PTPRC: variants seen among roughly 807,000 people sequenced by gnomAD.
The protein encoded by PTPRC is protein tyrosine phosphatase receptor type C.
A neutral mutation model predicts 155.9 loss-of-function variants in PTPRC; 44 were observed. That is an observed-to-expected ratio of 0.28 (90% confidence interval 0.22 to 0.36). The LOEUF (loss-of-function observed/expected upper bound fraction) is 0.36, where lower values mean the gene tolerates loss of function less well. PTPRC is among the 10% of genes least tolerant of loss of function. The pLI is 1.00. For missense variants in PTPRC, 1,401 were observed against 1,564.6 expected (o/e 0.90, Z 1.76); for synonymous variants, 525 against 533.1 (o/e 0.98, Z 0.21).
At chr1:198,638,735 T>C (rs1662389984), upstream of PTPRC, 1 of 154,438 alleles carries the variant, frequency 6.5e-6, no homozygotes, top group Non-Finnish European at 1.4e-5. Flanking sequence ...TAAGTCATCT[T>C]GCCAACACCC....
intron 3 of PTPRC, chr1:198,694,764 C>T (rs1666112343): frequency 3.2e-6 from 3 of 945,554 alleles, no homozygotes; most frequent in Admixed American, 6.2e-5. Flanking sequence ...CTTTCTCCCA[C>T]CCCCTTTTCT....
chr1:198,748,014 T>A, intron 26 of PTPRC, 95 bp from the exon 27 acceptor site: 1 of 1,498,108 alleles, frequency 6.7e-7, no homozygotes, highest in Non-Finnish European at 8.9e-7. Flanking sequence ...TTCACAAAAA[T>A]TAATGAAATG....
chr1:198,751,320 C>A (rs1655372449), intron 29 of PTPRC, among the ~76,000 whole-genome samples: 1 of 151,802 alleles, frequency 6.6e-6, no homozygotes, highest in South Asian at 2.1e-4. Flanking sequence ...TTCTTAATGT[C>A]TTCAGTTATT....
Position 198,716,733 on chromosome 1 carries a change from A to G in PTPRC, c.1343A>G (p.Asn448Ser). Reference sequence around the variant, plus strand: ...AACCTGATCAAATATGATTTGCAAAATTTAAAACCTTATACGAAATATGTT... The same window carrying G: ...AACCTGATCAAATATGATTTGCAAAGTTTAAAACCTTATACGAAATATGTT... ...DKNLIKYDLQ[N>S]LKPYTKYVLS... Residue 448 changes from asparagine to serine, a missense_variant, in exon 13 of 33, where the codon AAT (asparagine) becomes AGT (serine). Transcript: ENST00000442510. 6.2e-7 allele frequency: 1 copy of G among 1,612,662 alleles called. No homozygotes were observed. The highest frequency in any genetic ancestry group is 1.1e-5 in the South Asian group (1 of 91,006).
chr1:198,716,918 A>G (rs1653618775), intron 13 of PTPRC, 78 bp downstream of exon 13: 2 of 1,361,924 alleles, frequency 1.5e-6, no homozygotes, highest in East Asian at 2.4e-5. Context: ...CAATATTTCT[A>G]TCTTTATTCT....
intron 2 of PTPRC, among the ~76,000 whole-genome samples, chr1:198,642,966 T>TTCTTTCTG (rs1662714916): frequency 2.0e-5 from 3 of 150,580 alleles, no homozygotes; most frequent in Non-Finnish European, 3.0e-5. Context: ...CTTTCTTTCT[T>TTCTTTCTG]TCTTTTTTCT....
At chr1:198,673,703 A>G (rs1006271870) in intron 2 of PTPRC, among the ~76,000 whole-genome samples, 2 of 152,214 alleles carry the variant, frequency 1.3e-5, no homozygotes, top group Non-Finnish European at 2.9e-5. Flanking sequence ...ATACTATGGA[A>G]AACAATGTTT....
chr1:198,716,065 T>C (rs1345274431), intron 12 of PTPRC, among the ~76,000 whole-genome samples: 1 of 152,146 alleles, frequency 6.6e-6, no homozygotes, highest in East Asian at 1.9e-4. Context: ...CATTCCTTCT[T>C]CCGTTTGTAA....
At chr1:198,690,839 G>A (rs1299225720) in intron 2 of PTPRC, among the ~76,000 whole-genome samples, 2 of 152,046 alleles carry the variant, frequency 1.3e-5, no homozygotes, top group African/African-American at 4.8e-5. Context: ...TAAGATGAGG[G>A]ATGAAAACAT....
chr1:198,733,249 A>G (rs1003850909), intron 20 of PTPRC, among the ~76,000 whole-genome samples: 1 of 151,728 alleles, frequency 6.6e-6, no homozygotes, highest in African/African-American at 2.4e-5. Context: ...CAGTGTCCTC[A>G]CCTACCAGAA....
intron 2 of PTPRC, among the ~76,000 whole-genome samples, chr1:198,644,596 A>G (rs1405824799): frequency 1.3e-5 from 2 of 151,908 alleles, no homozygotes; most frequent in Non-Finnish European, 2.9e-5. Flanking sequence ...GCAGAGAATT[A>G]TATGTTCAGG....
At chr1:198,719,876 G>A (rs1160778915) in intron 14 of PTPRC, among the ~76,000 whole-genome samples, 2 of 152,110 alleles carry the variant, frequency 1.3e-5, no homozygotes, top group Non-Finnish European at 2.9e-5. Flanking sequence ...CTCCCAAATT[G>A]TTGGGATTAC....
rs768391663 is a variant in PTPRC at position 198,708,258 on chromosome 1, T to G, written c.1030T>G (p.Cys344Gly). The change falls in exon 10 of 33, where the codon TGT becomes GGT. Residue 344 changes from cysteine to glycine, a missense_variant. Cys to Gly is a radical substitution (Grantham distance 159). Transcript: ENST00000442510. ...ACAGAATATTACCTACAGATTTCAG[T>G]GTGGTAAGAATATAACATTGACCAG... ...DTQNITYRFQ[C>G]GNMIFDNKEI... is the part of the protein sequence containing the mutation. 1 of 1,605,698 alleles carries G rather than the reference T, an allele frequency of 6.2e-7. No homozygotes were observed. Among genetic ancestry groups the G allele is most frequent in the East Asian group, 2.2e-5 (1 of 44,600 alleles).
At chr1:198,661,947 T>C (rs1663992795) in intron 2 of PTPRC, among the ~76,000 whole-genome samples, 1 of 152,180 alleles carries the variant, frequency 6.6e-6, no homozygotes, top group African/African-American at 2.4e-5. Flanking sequence ...TCAATTTCAT[T>C]TATAATGTGT....
At position 198,696,752 on chromosome 1, in the gene PTPRC, T is replaced by C. The variant is rs200018130; in HGVS notation, c.141T>C (p.Ser47=). The C allele has an allele frequency of 6.8e-6, 11 of 1,614,020 alleles. No homozygotes were observed. In the South Asian group the frequency reaches 1.2e-4, roughly 18 times the overall value. The change falls in exon 4 of 33, where the codon AGT becomes AGC. Residue 47 remains serine, a synonymous_variant. Coordinates refer to ENST00000442510, the MANE Select transcript of PTPRC (RefSeq NM_002838.5). The part of the protein sequence containing the change: ...TAKMPSVPLS[S]DPLPTHTTAF... Reference sequence around the variant, plus strand: ...AGATGCCCAGTGTTCCACTTTCAAGTGACCCCTTACCTACTCACACCACTG... The same window carrying C: ...AGATGCCCAGTGTTCCACTTTCAAGCGACCCCTTACCTACTCACACCACTG...
At position 198,709,673 on chromosome 1, in the gene PTPRC, T is replaced by C; in HGVS notation, c.1034-14T>C. The C allele has an allele frequency of 1.3e-6, 2 of 1,531,814 alleles. No individual in the cohort carries two copies. The highest frequency in any genetic ancestry group is 1.8e-6 in the Non-Finnish European group (2 of 1,119,628). The allele number at this position is 1,531,814 out of a possible 1,614,324, so 94.9% of individuals were successfully genotyped here. The stretch of plus-strand genomic sequence containing the variant: ...TGCATCGATATATTCATTCGAAATA[T>C]TTCTTTATTTCAGGTAATATGATAT... On this transcript the variant is annotated splice_polypyrimidine_tract_variant and intron_variant, in intron 10 of 32. Coordinates refer to ENST00000442510, the MANE Select transcript of PTPRC (RefSeq NM_002838.5).
chr1:198,703,639 G>C (rs377377424), intron 7 of PTPRC: 1 of 563,568 alleles, frequency 1.8e-6, no homozygotes, highest in South Asian at 2.0e-5. Flanking sequence ...TTTCTCACAG[G>C]GGTTTAGGTC....
Position 198,756,456 on chromosome 1 carries a change from G to GC in PTPRC, c.*275_*276insC. The GC allele has an allele frequency of 3.2e-6, 1 of 308,796 alleles. No homozygotes were observed. The highest frequency in any genetic ancestry group is 6.0e-6 in the Non-Finnish European group (1 of 165,646). 19.1% of individuals were successfully genotyped at this position (308,796 alleles called of 1,614,324 possible). A position where few individuals can be genotyped will look rare whatever the true frequency, so the allele number is the denominator to read the frequency against. On this transcript the variant is annotated 3_prime_UTR_variant, in exon 33 of 33. Transcript: ENST00000442510. The stretch of plus-strand genomic sequence containing the variant: ...TGTGTGTATATGTATGTGTGTATGG[G>GC]TGTGTGTTTGTGTGAGAGACAGAGA...
intron 14 of PTPRC, among the ~76,000 whole-genome samples, chr1:198,719,300 C>A: frequency 6.6e-6 from 1 of 151,794 alleles, no homozygotes; most frequent in Non-Finnish European, 1.5e-5. Flanking sequence ...AATGAAGTTT[C>A]TTTACTTATT....
Sources: allele counts gnomAD v4.1 joint callset (sites outside exome capture counted in the v4.1 genomes callset), GRCh38; gene constraint gnomAD v4.1.1; transcripts MANE v1.5; gene names NCBI Gene and HGNC (gene_info 2026-07-23, HGNC 2026-07-21).